RIC1: variants seen among roughly 807,000 people sequenced by gnomAD.
RIC1 encodes RIC1 partner of RAB6A GEF complex.
In RIC1, 88 loss-of-function variants were observed where a neutral mutation model predicts 169.0. That is an observed-to-expected ratio of 0.52 (90% CI 0.44 to 0.62). The LOEUF (loss-of-function observed/expected upper bound fraction) is 0.62. Among genes scored for constraint, RIC1 ranks in the 20% least tolerant of loss-of-function variants. RIC1 has a pLI of 0.00. For synonymous variants in RIC1, 790 were observed against 601.5 expected, an observed-to-expected ratio of 1.31 and a Z score of -4.59; for missense variants, 1,877 against 1,725.5, an observed-to-expected ratio of 1.09 and a Z score of -1.56.
At chr9:5,703,793 T>G (rs940498510) in intron 3 of RIC1, among the ~76,000 whole-genome samples, 13 of 152,372 alleles carry the variant, frequency 8.5e-5, no homozygotes, top group African/African-American at 3.1e-4. Context: ...CCATTGAGGT[T>G]GTTTTCACTT....
At chr9:5,638,530 G>C (rs1482132654) in intron 1 of RIC1, among the ~76,000 whole-genome samples, 1 of 152,174 alleles carries the variant, frequency 6.6e-6, no homozygotes, top group Non-Finnish European at 1.5e-5. Context: ...TTGTTAGTCT[G>C]TTCAGGTTTT....
intron 4 of RIC1, chr9:5,719,467 C>T (rs1823459455): frequency 2.6e-5 from 4 of 152,154 alleles, no homozygotes; most frequent in Admixed American, 6.5e-5. Context: ...ATATTTTATT[C>T]ATCCTCGAAT....
intron 2 of RIC1, among the ~76,000 whole-genome samples, chr9:5,685,856 A>C (rs1333693607): frequency 7.4e-6 from 1 of 135,494 alleles, no homozygotes; most frequent in Non-Finnish European, 1.6e-5. Context: ...AACATGGGAG[A>C]AAATTTTTGC....
At chr9:5,709,498 G>C (rs1185834621) in intron 3 of RIC1, among the ~76,000 whole-genome samples, 1 of 152,200 alleles carries the variant, frequency 6.6e-6, no homozygotes, top group East Asian at 1.9e-4. Context: ...AAAAAGTGGA[G>C]ATAATTCCTG....
chr9:5,764,400 CAT>C (rs1240968920), intron 19 of RIC1, among the ~76,000 whole-genome samples: 1 of 152,198 alleles, frequency 6.6e-6, no homozygotes, highest in Non-Finnish European at 1.5e-5. Flanking sequence ...CAAAGACCCT[CAT>C]AGCACACAGT....
chr9:5,635,194 G>A (rs1158757252), intron 1 of RIC1, among the ~76,000 whole-genome samples: 4 of 152,132 alleles, frequency 2.6e-5, no homozygotes, highest in Middle Eastern at 3.4e-3. Context: ...TGCCCAGGCC[G>A]GTCTCAGACT....
At chr9:5,701,733 G>T (rs1822233624) in intron 3 of RIC1, among the ~76,000 whole-genome samples, 1 of 152,126 alleles carries the variant, frequency 6.6e-6, no homozygotes, top group Non-Finnish European at 1.5e-5. Context: ...GTATGAATAT[G>T]GTAGGTAGTG....
At chr9:5,676,539 G>A (rs1408743424) in intron 2 of RIC1, among the ~76,000 whole-genome samples, 1 of 152,108 alleles carries the variant, frequency 6.6e-6, no homozygotes, top group Non-Finnish European at 1.5e-5. Flanking sequence ...TAAGTAACCT[G>A]CTCAAGAATA....
At chr9:5,727,882 C>G (rs775938307) in intron 6 of RIC1, among the ~76,000 whole-genome samples, 1 of 152,228 alleles carries the variant, frequency 6.6e-6, no homozygotes, top group African/African-American at 2.4e-5. Context: ...GCAAATGTTG[C>G]TGCCTGATCC....
Position 5,669,375 on chromosome 9 carries a change from C to T in RIC1, c.252+12685C>T, listed in dbSNP as rs73392628. Among the ~76,000 whole-genome samples the T allele has an allele frequency of 6.9e-3, 1,056 of 152,242 alleles. 11 individuals are homozygous for T. The highest frequency in any genetic ancestry group is 0.024 in the African/African-American group (990 of 41,518). ...CTTAGCTCCCAATTATGAGTGAGAA[C>T]GTAGGATGTTTGGTTTTCCATTCCT... On this transcript the variant is annotated intron_variant, in intron 2 of 25. Coordinates refer to ENST00000414202, the MANE Select transcript of RIC1 (RefSeq NM_020829.4).
chr9:5,708,277 A>G (rs1822718563), intron 3 of RIC1, among the ~76,000 whole-genome samples: 1 of 152,052 alleles, frequency 6.6e-6, no homozygotes, highest in African/African-American at 2.4e-5. Flanking sequence ...TGTTTTATGC[A>G]CTTGTCTTTT....
At chr9:5,648,326 T>TA (rs1231223872) in intron 1 of RIC1, among the ~76,000 whole-genome samples, 2 of 152,148 alleles carry the variant, frequency 1.3e-5, no homozygotes, top group Non-Finnish European at 2.9e-5. Flanking sequence ...TATCTTGAGA[T>TA]AGTTTGCTTC....
At chr9:5,695,193 C>G (rs1821816726) in intron 3 of RIC1, among the ~76,000 whole-genome samples, 1 of 152,044 alleles carries the variant, frequency 6.6e-6, no homozygotes, top group South Asian at 2.1e-4. Context: ...CAGGGGAAGA[C>G]AATTCTGGAT....
intron 2 of RIC1, among the ~76,000 whole-genome samples, chr9:5,665,261 A>G (rs1819685971): frequency 6.6e-6 from 1 of 152,098 alleles, no homozygotes; most frequent in Non-Finnish European, 1.5e-5. Flanking sequence ...TCACATTGTC[A>G]GTGGTGTGTT....
At chr9:5,653,035 C>A (rs1372383199) in intron 1 of RIC1, among the ~76,000 whole-genome samples, 1 of 152,188 alleles carries the variant, frequency 6.6e-6, no homozygotes, top group African/African-American at 2.4e-5. Flanking sequence ...ACCATCCTTG[C>A]ATTCCTGGGA....
intron 3 of RIC1, among the ~76,000 whole-genome samples, chr9:5,709,989 A>T (rs1822839659): frequency 6.6e-6 from 1 of 152,204 alleles, no homozygotes; most frequent in South Asian, 2.1e-4. Flanking sequence ...CTTTCTCTTG[A>T]TAATCACCAA....
Position 5,720,168 on chromosome 9 carries a change from G to A in RIC1, c.441-14G>A, listed in dbSNP as rs1372261875. ...CAGTATGCTCTCTTAAAAATTAATT[G>A]ATTCTACCTACAGTTTGCAGTCTGT... is the stretch of plus-strand genomic sequence containing the variant. On this transcript the variant is annotated splice_polypyrimidine_tract_variant and intron_variant, in intron 4 of 25. Transcript: ENST00000414202. 1 of 1,602,258 alleles carries A rather than the reference G, an allele frequency of 6.2e-7. No individual in the cohort carries two copies. Among genetic ancestry groups the A allele is most frequent in the African/African-American group, 1.3e-5 (1 of 74,760 alleles).
rs577760451 is a variant in RIC1, at chr9:5,750,088, C to T, written c.1452+2583C>T. On this transcript the variant is annotated intron_variant, in intron 12 of 25. Coordinates refer to ENST00000414202, the MANE Select transcript of RIC1 (RefSeq NM_020829.4). The stretch of plus-strand genomic sequence containing the variant: ...CACCGCACCCAGCCAAAGCAAGCAC[C>T]AGCAAGCACCAGCCAAGGTGCTTTT... 1.2e-4 allele frequency among the ~76,000 whole-genome samples: 18 copies of T among 150,254 alleles called. No individual in the cohort carries two copies. In the East Asian group the frequency reaches 3.5e-3, roughly 29 times the overall value.
At chr9:5,760,658 C>A (rs1826272507) in intron 17 of RIC1, among the ~76,000 whole-genome samples, 2 of 152,184 alleles carry the variant, frequency 1.3e-5, no homozygotes, top group African/African-American at 2.4e-5. Context: ...TTCTAGTTGC[C>A]ACACACCTAA....
Sources: gnomAD v4.1 joint callset for allele counts (sites outside exome capture counted in the v4.1 genomes callset) on GRCh38, gnomAD v4.1.1 for gene constraint, MANE v1.5 for transcripts, NCBI Gene and HGNC (gene_info 2026-07-23, HGNC 2026-07-21) for gene names.